ANO3: variants seen among roughly 807,000 people sequenced by gnomAD.
ANO3 encodes the protein anoctamin 3, also known as anoctamin-3.
ANO3 carries 99 observed loss-of-function variants against 144.8 expected under a neutral mutation model. The ratio of observed to expected loss-of-function variants is 0.68; its 90% CI spans 0.58 to 0.81. The LOEUF (loss-of-function observed/expected upper bound fraction) is 0.81. Among genes scored for constraint, ANO3 ranks in the 30% least tolerant of loss-of-function variants. The probability of loss-of-function intolerance (pLI) is 0.00; values close to 1 mark genes in which losing one functional copy is unlikely to be tolerated. For synonymous variants in ANO3, 414 were observed against 392.6 expected (o/e 1.05, Z -0.64); for missense variants, 905 against 1,202.2 (o/e 0.75, Z 3.66).
chr11:26,390,999 A>G (rs566127429), intron 1 of ANO3, among the ~76,000 whole-genome samples: 5 of 152,296 alleles, frequency 3.3e-5, no homozygotes, highest in African/African-American at 1.2e-4. Context: ...ATATTAGGAT[A>G]GCCACTTAAG....
At chr11:26,605,713 G>T (rs1851916260) in intron 17 of ANO3, among the ~76,000 whole-genome samples, 1 of 152,072 alleles carries the variant, frequency 6.6e-6, no homozygotes, top group Non-Finnish European at 1.5e-5. Flanking sequence ...AGATTTTCTA[G>T]TTTATTTGCA....
At chr11:26,289,134 CTT>C (rs988683848) in intron 1 of ANO3, among the ~76,000 whole-genome samples, 2 of 151,960 alleles carry the variant, frequency 1.3e-5, no homozygotes, top group African/African-American at 2.4e-5. Flanking sequence ...CATTTTATCT[CTT>C]AATATAAATT....
intron 1 of ANO3, among the ~76,000 whole-genome samples, chr11:26,365,408 TG>T (rs34253346): frequency 0.12 from 18,771 of 152,270 alleles, 1,307 homozygotes; most frequent in Admixed American, 0.19. Flanking sequence ...AGTGCCCTAG[TG>T]GGGATTCTCT....
intron 1 of ANO3, among the ~76,000 whole-genome samples, chr11:26,263,919 A>G (rs1035655170): frequency 6.6e-6 from 1 of 152,236 alleles, no homozygotes; most frequent in Non-Finnish European, 1.5e-5. Context: ...CAGTCATAAC[A>G]AGTATTAATT....
chr11:26,495,894 T>C (rs1306307782), intron 4 of ANO3, among the ~76,000 whole-genome samples: 4 of 152,182 alleles, frequency 2.6e-5, no homozygotes, highest in South Asian at 2.1e-4. Flanking sequence ...AATTGTCTGC[T>C]TTGGAGCACA....
intron 9 of ANO3, among the ~76,000 whole-genome samples, chr11:26,536,895 C>T (rs1849523357): frequency 6.6e-6 from 1 of 152,050 alleles, no homozygotes; most frequent in Admixed American, 6.6e-5. Flanking sequence ...CCATTTCACT[C>T]TACCCTCATT....
At chr11:26,348,039 T>G (rs916625814) in intron 1 of ANO3, among the ~76,000 whole-genome samples, 2 of 152,068 alleles carry the variant, frequency 1.3e-5, no homozygotes, top group Non-Finnish European at 2.9e-5. Context: ...CCTCAAAAAA[T>G]TTCACTCATT....
intron 17 of ANO3, among the ~76,000 whole-genome samples, chr11:26,617,002 A>C (rs1359936111): frequency 6.6e-6 from 1 of 152,092 alleles, no homozygotes; most frequent in Non-Finnish European, 1.5e-5. Flanking sequence ...CGACCTCCTG[A>C]CCTCATGATC....
At chr11:26,562,715 A>C (rs560993790) in intron 14 of ANO3, among the ~76,000 whole-genome samples, 1 of 151,956 alleles carries the variant, frequency 6.6e-6, no homozygotes, top group Admixed American at 6.6e-5. Flanking sequence ...AAGAGCTCCA[A>C]ATTAGAATCA....
chr11:26,577,109 A>C (rs1204641226), intron 14 of ANO3, among the ~76,000 whole-genome samples: 1 of 152,210 alleles, frequency 6.6e-6, no homozygotes, highest in Non-Finnish European at 1.5e-5. Context: ...TTTCACAAGA[A>C]GAGTTGGCCT....
intron 1 of ANO3, among the ~76,000 whole-genome samples, chr11:26,297,377 T>A: frequency 6.6e-6 from 1 of 152,162 alleles, no homozygotes; most frequent in East Asian, 1.9e-4. Flanking sequence ...CAAACACTTG[T>A]GGGCCTGTCA....
intron 14 of ANO3, chr11:26,560,939 G>A: frequency 1.1e-6 from 1 of 924,018 alleles, no homozygotes; most frequent in Non-Finnish European, 1.6e-6. Context: ...CTGGTCTCCT[G>A]CTTTTATGAT....
chr11:26,627,814 A>ATGTGT (rs890249102), intron 18 of ANO3, among the ~76,000 whole-genome samples: 25 of 131,282 alleles, frequency 1.9e-4, no homozygotes, highest in African/African-American at 6.9e-4. Flanking sequence ...AATAGAATCT[A>ATGTGT]GTGTGTGTGT....
At chr11:26,321,107 A>G (rs1044287948) in intron 1 of ANO3, among the ~76,000 whole-genome samples, 1 of 152,048 alleles carries the variant, frequency 6.6e-6, no homozygotes, top group African/African-American at 2.4e-5. Context: ...CATTTATTAC[A>G]TATTACTTTT....
chr11:26,598,526 TG>T, intron 15 of ANO3, 79 bp downstream of exon 15: 1 of 988,642 alleles, frequency 1.0e-6, no homozygotes, highest in South Asian at 1.6e-5. Flanking sequence ...GCATTCCGGC[TG>T]GAAGCAGTTA....
At chr11:26,219,265 C>T (rs1031015398) in intron 1 of ANO3, among the ~76,000 whole-genome samples, 1 of 152,096 alleles carries the variant, frequency 6.6e-6, no homozygotes, top group Non-Finnish European at 1.5e-5. Flanking sequence ...GATGTTTAAA[C>T]CCATGAGAAA....
chr11:26,416,280 TTGTTG>T lies in ANO3; in HGVS notation c.47-25633_47-25629del, dbSNP rs1565011855. 4.6e-5 allele frequency among the ~76,000 whole-genome samples: 7 copies of T among 152,230 alleles called. No homozygotes were observed. The South Asian group carries it at 1.5e-3, about 32-fold the overall frequency. Reference sequence around the variant, plus strand: ...GCATAGAATTCCTGAAGATTTGTATTTGTTGTGTTAAGAAAAAGATTTAGTTGACA... The same window carrying T: ...GCATAGAATTCCTGAAGATTTGTATTTGTTAAGAAAAAGATTTAGTTGACA... On this transcript the variant is annotated intron_variant, in intron 1 of 26. Coordinates refer to ENST00000256737, the MANE Select transcript of ANO3 (RefSeq NM_031418.4).
chr11:26,322,861 G>A (rs1251774990), intron 1 of ANO3, among the ~76,000 whole-genome samples: 2 of 151,990 alleles, frequency 1.3e-5, no homozygotes, highest in African/African-American at 4.8e-5. Flanking sequence ...CCTCTTTTAG[G>A]GTAGAGTGGT....
chr11:26,507,551 T>C (rs189881673), intron 4 of ANO3, among the ~76,000 whole-genome samples: 61 of 152,348 alleles, frequency 4.0e-4, no homozygotes, highest in Non-Finnish European at 6.0e-4. Flanking sequence ...TATTACTAAA[T>C]ATACATTTAG....
Sources: allele counts gnomAD v4.1 joint callset (sites outside exome capture counted in the v4.1 genomes callset), GRCh38; gene constraint gnomAD v4.1.1; transcripts MANE v1.5; gene names NCBI Gene and HGNC (gene_info 2026-07-23, HGNC 2026-07-21).